COL5A2: variants seen among roughly 807,000 people sequenced by gnomAD.
COL5A2 encodes collagen type V alpha 2 chain.
Under a neutral mutation model 208.2 loss-of-function variants are expected in COL5A2, and 23 were observed. The ratio of observed to expected loss-of-function variants is 0.11; its 90% CI spans 0.08 to 0.16. The LOEUF is 0.16. Ranked by LOEUF, COL5A2 falls within the 10% of genes least tolerant of loss-of-function variation. The pLI, the probability that COL5A2 is intolerant of heterozygous loss-of-function variation, is 1.00. For missense variants in COL5A2, 1,590 were observed against 1,956.4 expected, an observed-to-expected ratio of 0.81 and a Z score of 3.53; for synonymous variants, 625 against 628.5, an observed-to-expected ratio of 0.99 and a Z score of 0.08.
At chr2:189,051,025 G>A (rs1407566311) in intron 42 of COL5A2, among the ~76,000 whole-genome samples, 2 of 151,830 alleles carry the variant, frequency 1.3e-5, no homozygotes, top group Non-Finnish European at 2.9e-5. Context: ...AATATTTAAA[G>A]GCATTTGCAT....
intron 1 of COL5A2, among the ~76,000 whole-genome samples, chr2:189,161,883 T>C (rs536759299): frequency 7.2e-5 from 11 of 152,214 alleles, no homozygotes; most frequent in Non-Finnish European, 1.5e-4. Flanking sequence ...TGCTACCTTT[T>C]AGAGAAAAGA....
chr2:189,101,798 G>A (rs940770894), intron 3 of COL5A2, among the ~76,000 whole-genome samples: 4 of 151,918 alleles, frequency 2.6e-5, no homozygotes, highest in African/African-American at 9.7e-5. Context: ...AGAAGGAAAG[G>A]GCTCTCCAGA....
At chr2:189,038,952 G>C (rs932687946) in intron 51 of COL5A2, among the ~76,000 whole-genome samples, 104 of 152,076 alleles carry the variant, frequency 6.8e-4, no homozygotes, top group Admixed American at 1.8e-3. Context: ...GCCTCCCAAA[G>C]TGCTGGGATT....
the COL5A2 span, among the ~76,000 whole-genome samples, chr2:189,287,937 A>G: frequency 5.3e-5 from 8 of 152,158 alleles, no homozygotes; most frequent in Admixed American, 1.3e-4. Flanking sequence ...TTATGGTTAT[A>G]TTTCACCCTT....
the COL5A2 span, among the ~76,000 whole-genome samples, chr2:189,237,028 C>G: frequency 8.2e-4 from 125 of 151,832 alleles, no homozygotes; most frequent in African/African-American, 2.9e-3. Flanking sequence ...GATTCTCTGT[C>G]TGTTGTAAGG....
chr2:189,138,621 C>A (rs980188594), intron 1 of COL5A2, among the ~76,000 whole-genome samples: 2 of 152,094 alleles, frequency 1.3e-5, no homozygotes, highest in African/African-American at 4.8e-5. Context: ...ATATAAGGAA[C>A]AAGAGCTCTT....
At chr2:189,385,234 C>A in the COL5A2 span, among the ~76,000 whole-genome samples, 1 of 152,220 alleles carries the variant, frequency 6.6e-6, no homozygotes, top group Non-Finnish European at 1.5e-5. Context: ...ACTCTACAGA[C>A]CCTGCCACAA....
intron 31 of COL5A2, among the ~76,000 whole-genome samples, chr2:189,059,097 A>C (rs1328538777): frequency 6.6e-6 from 1 of 152,150 alleles, no homozygotes; most frequent in Admixed American, 6.5e-5. Context: ...TTTCCAAAAA[A>C]CTTTGTATTA....
At chr2:189,179,205 C>T (rs1286956575) in intron 1 of COL5A2, among the ~76,000 whole-genome samples, 1 of 152,140 alleles carries the variant, frequency 6.6e-6, no homozygotes, top group African/African-American at 2.4e-5. Flanking sequence ...TTTAGTGCTC[C>T]GTTTTAAGCA....
chr2:189,259,566 G>A, the COL5A2 span, among the ~76,000 whole-genome samples: 5 of 151,924 alleles, frequency 3.3e-5, no homozygotes, highest in African/African-American at 7.3e-5. Context: ...TAACAAATTC[G>A]ACATGAAAAT....
At chr2:189,104,515 GACA>G (rs1229367973) in intron 2 of COL5A2, among the ~76,000 whole-genome samples, 4 of 151,792 alleles carry the variant, frequency 2.6e-5, no homozygotes, top group African/African-American at 9.7e-5. Context: ...ACATTTATAT[GACA>G]TTTAAAGTTC....
At chr2:189,392,057 C>T in the COL5A2 span, among the ~76,000 whole-genome samples, 1 of 152,090 alleles carries the variant, frequency 6.6e-6, no homozygotes, top group Admixed American at 6.6e-5. Context: ...TTTATTCTCA[C>T]TATTTTTAAA....
the COL5A2 span, among the ~76,000 whole-genome samples, chr2:189,239,688 G>A: frequency 6.6e-6 from 1 of 151,160 alleles, no homozygotes; most frequent in Non-Finnish European, 1.5e-5. Flanking sequence ...GTTAATGGGT[G>A]CAGCACACCA....
the COL5A2 span, among the ~76,000 whole-genome samples, chr2:189,304,014 G>A: frequency 6.6e-6 from 1 of 152,030 alleles, no homozygotes; most frequent in Non-Finnish European, 1.5e-5. Flanking sequence ...CTAGCAATAT[G>A]GTCTTACATT....
intron 2 of COL5A2, among the ~76,000 whole-genome samples, chr2:189,108,272 C>T (rs1007138388): frequency 2.0e-5 from 3 of 151,706 alleles, no homozygotes; most frequent in African/African-American, 7.2e-5. Flanking sequence ...TCTTGGTTGC[C>T]TTGCATTTAG....
At chr2:189,383,552 ATTATT>A in the COL5A2 span, among the ~76,000 whole-genome samples, 1 of 152,130 alleles carries the variant, frequency 6.6e-6, no homozygotes, top group Non-Finnish European at 1.5e-5. Context: ...AGAAAAGAAA[ATTATT>A]TTATGTTTCC....
the COL5A2 span, among the ~76,000 whole-genome samples, chr2:189,266,425 C>G: frequency 7.4e-6 from 1 of 134,236 alleles, no homozygotes; most frequent in Non-Finnish European, 1.6e-5. Flanking sequence ...GACTTCATCT[C>G]AAAAAAAAAA....
chr2:189,065,831 T>A (rs1321533648), intron 23 of COL5A2, among the ~76,000 whole-genome samples: 1 of 152,238 alleles, frequency 6.6e-6, no homozygotes, highest in African/African-American at 2.4e-5. Context: ...GCTTTGCATT[T>A]GCTTTTTCCT....
chr2:189,043,808 T>A (rs371639344), intron 47 of COL5A2, among the ~76,000 whole-genome samples: 3 of 152,338 alleles, frequency 2.0e-5, no homozygotes, highest in African/African-American at 7.2e-5. Flanking sequence ...GCCACTTTCC[T>A]CTAAAGAACA....
Sources: gnomAD v4.1 joint callset for allele counts (sites outside exome capture counted in the v4.1 genomes callset) on GRCh38, gnomAD v4.1.1 for gene constraint, MANE v1.5 for transcripts, NCBI Gene and HGNC (gene_info 2026-07-23, HGNC 2026-07-21) for gene names.